The following DENND1A variants were observed in gnomAD, a reference collection of about 807,000 sequenced individuals.
DENND1A encodes the protein DENN domain containing 1A.
A neutral mutation model predicts 113.7 loss-of-function variants in DENND1A; 51 were observed. The observed-to-expected ratio is 0.45, with a 90% confidence interval of 0.36 to 0.57. The LOEUF (loss-of-function observed/expected upper bound fraction) is 0.57, where lower values mean the gene tolerates loss of function less well. DENND1A is among the 20% of genes least tolerant of loss of function. The pLI, the probability that DENND1A is intolerant of heterozygous loss-of-function variation, is 0.00. For synonymous variants in DENND1A, 565 were observed against 570.8 expected (o/e 0.99, Z 0.14); for missense variants, 1,258 against 1,395.9 (o/e 0.90, Z 1.57).
At chr9:123,641,845 T>C (rs2062045920) in intron 9 of DENND1A, among the ~76,000 whole-genome samples, 1 of 152,198 alleles carries the variant, frequency 6.6e-6, no homozygotes, top group African/African-American at 2.4e-5. Flanking sequence ...CATGGTTCCA[T>C]ACTAGACTTT....
At chr9:123,785,051 T>C (rs1236462208) in intron 3 of DENND1A, among the ~76,000 whole-genome samples, 1 of 152,136 alleles carries the variant, frequency 6.6e-6, no homozygotes, top group East Asian at 1.9e-4. Context: ...GTACCTCTTA[T>C]ATACAAAGTA....
At chr9:123,464,994 C>CAAAAAAAAAAAAA (rs10655282) in intron 13 of DENND1A, among the ~76,000 whole-genome samples, 8 of 70,484 alleles carry the variant, frequency 1.1e-4, no homozygotes, top group Non-Finnish European at 1.5e-4. Flanking sequence ...ACTAAAAATA[C>CAAAAAAAAAAAAA]AAAAAAAAAA....
intron 5 of DENND1A, among the ~76,000 whole-genome samples, chr9:123,743,090 C>A (rs150957042): frequency 6.6e-6 from 1 of 152,010 alleles, no homozygotes; most frequent in African/African-American, 2.4e-5. Flanking sequence ...ATGCACTGTG[C>A]GTGGTATGTC....
At chr9:123,406,727 TGGTCAACAG>T (rs2043883096) in intron 20 of DENND1A, among the ~76,000 whole-genome samples, 1 of 152,198 alleles carries the variant, frequency 6.6e-6, no homozygotes, top group Non-Finnish European at 1.5e-5. Flanking sequence ...CTCTGGCAGC[TGGTCAACAG>T]GGTCACCTGG....
At chr9:123,855,850 C>T (rs1368182405) in intron 2 of DENND1A, among the ~76,000 whole-genome samples, 1 of 151,992 alleles carries the variant, frequency 6.6e-6, no homozygotes, top group Non-Finnish European at 1.5e-5. Flanking sequence ...CCAGCCTGAC[C>T]AACATGGAGA....
chr9:123,771,229 G>C (rs1200993392), intron 3 of DENND1A, among the ~76,000 whole-genome samples: 1 of 152,086 alleles, frequency 6.6e-6, no homozygotes, highest in East Asian at 1.9e-4. Context: ...TACAGAATCA[G>C]AACAAAGGCA....
chr9:123,484,373 GC>G (rs1382487921), intron 13 of DENND1A, among the ~76,000 whole-genome samples: 9 of 152,112 alleles, frequency 5.9e-5, no homozygotes, highest in African/African-American at 2.2e-4. Flanking sequence ...AGAGTAAGCC[GC>G]CCAGAGATTC....
At chr9:123,690,096 G>A (rs1295134028) in intron 5 of DENND1A, among the ~76,000 whole-genome samples, 1 of 104,612 alleles carries the variant, frequency 9.6e-6, no homozygotes, top group Admixed American at 8.9e-5. Context: ...GAGGGAGGGA[G>A]GGAGGGAGGG....
rs1029834577 is a variant in DENND1A, at chr9:123,720,157, C to A, written c.302+37546G>T. On this transcript the variant is annotated intron_variant, in intron 5 of 23. Coordinates refer to ENST00000394215, the MANE Select transcript of DENND1A (RefSeq NM_001352964.2). ...CATGAGCTTTTCTTTCAAGAGTGAACCTTCTACATCTGAATGTAGCTCAAC... is the reference window on the plus strand; with the variant it reads ...CATGAGCTTTTCTTTCAAGAGTGAAACTTCTACATCTGAATGTAGCTCAAC... Among the ~76,000 whole-genome samples, 3 of 152,194 alleles carry A rather than the reference C, an allele frequency of 2.0e-5. No individual in the cohort carries two copies. The South Asian group carries it at 6.2e-4, about 32-fold the overall frequency.
intron 5 of DENND1A, among the ~76,000 whole-genome samples, chr9:123,702,209 G>GA (rs1377854462): frequency 2.6e-5 from 4 of 151,538 alleles, no homozygotes; most frequent in Non-Finnish European, 1.5e-5. Context: ...TAAGCAGAAG[G>GA]AAAAAAATCT....
intron 9 of DENND1A, among the ~76,000 whole-genome samples, chr9:123,638,651 G>A (rs563786165): frequency 1.3e-5 from 2 of 151,908 alleles, no homozygotes; most frequent in Admixed American, 6.6e-5. Context: ...TAGTAGAGAC[G>A]GAGTTTCACC....
intron 11 of DENND1A, among the ~76,000 whole-genome samples, chr9:123,595,070 T>A (rs778379581): frequency 6.6e-6 from 1 of 151,882 alleles, no homozygotes; most frequent in Non-Finnish European, 1.5e-5. Context: ...GAGCCAAGAG[T>A]CGCTGATTTG....
intron 13 of DENND1A, among the ~76,000 whole-genome samples, chr9:123,504,336 C>T (rs1156470291): frequency 6.6e-6 from 1 of 152,186 alleles, no homozygotes; most frequent in African/African-American, 2.4e-5. Flanking sequence ...TCTCTTTTCA[C>T]CCCCACTGGG....
intron 20 of DENND1A, among the ~76,000 whole-genome samples, chr9:123,410,070 T>C (rs974427325): frequency 2.0e-5 from 3 of 152,220 alleles, no homozygotes; most frequent in African/African-American, 7.2e-5. Context: ...CCAGCCTGAA[T>C]GACAGAGTAA....
chr9:123,713,336 A>T (rs1299964363), intron 5 of DENND1A, among the ~76,000 whole-genome samples: 2 of 152,260 alleles, frequency 1.3e-5, no homozygotes, highest in Non-Finnish European at 2.9e-5. Flanking sequence ...GAGTTCCAAC[A>T]GCTGTCAAGG....
chr9:123,631,729 T>C (rs1003127639), intron 9 of DENND1A, among the ~76,000 whole-genome samples: 1 of 152,230 alleles, frequency 6.6e-6, no homozygotes, highest in African/African-American at 2.4e-5. Context: ...CTCTCCACAG[T>C]CTTTTGACTT....
At chr9:123,599,159 T>C (rs905588580) in intron 11 of DENND1A, among the ~76,000 whole-genome samples, 6 of 152,344 alleles carry the variant, frequency 3.9e-5, no homozygotes, top group East Asian at 1.9e-4. Flanking sequence ...AGATCATAAA[T>C]GTTTGAATCC....
chr9:123,877,557 C>T (rs1010286784), intron 2 of DENND1A, among the ~76,000 whole-genome samples: 1 of 151,994 alleles, frequency 6.6e-6, no homozygotes, highest in Non-Finnish European at 1.5e-5. Flanking sequence ...GGCATGGTGG[C>T]TCATACCTGT....
At chr9:123,620,251 A>AAAAAAAGG (rs1040892505) in intron 10 of DENND1A, among the ~76,000 whole-genome samples, 10 of 149,596 alleles carry the variant, frequency 6.7e-5, no homozygotes, top group East Asian at 3.9e-4. Context: ...AAAGAAAAAG[A>AAAAAAAGG]AAAAAAGGAA....
Sources: allele counts gnomAD v4.1 joint callset (sites outside exome capture counted in the v4.1 genomes callset), GRCh38; gene constraint gnomAD v4.1.1; transcripts MANE v1.5; gene names NCBI Gene and HGNC (gene_info 2026-07-23, HGNC 2026-07-21).